FBXO41: variants seen among roughly 807,000 people sequenced by gnomAD.
The protein encoded by FBXO41 is F-box protein 41, also known as F-box only protein 41.
A neutral mutation model predicts 81.6 loss-of-function variants in FBXO41; 33 were observed. That is an observed-to-expected ratio of 0.40 (90% CI 0.31 to 0.54). The LOEUF (loss-of-function observed/expected upper bound fraction) is 0.54, where lower values mean the gene tolerates loss of function less well. Among genes scored for constraint, FBXO41 ranks in the 20% least tolerant of loss-of-function variants. The pLI, the probability that FBXO41 is intolerant of heterozygous loss-of-function variation, is 0.39. For missense variants in FBXO41, 1,107 were observed against 1,236.0 expected (o/e 0.90, Z 1.56); for synonymous variants, 576 against 552.7 (o/e 1.04, Z -0.59).
At position 73,269,322 on chromosome 2, in the gene FBXO41, C is replaced by T; in HGVS notation, c.309G>A (p.Pro103=). The T allele has an allele frequency of 1.3e-6, 2 of 1,524,652 alleles. No homozygotes were observed. The highest frequency in any genetic ancestry group is 8.8e-7 in the Non-Finnish European group (1 of 1,136,624). The allele number at this position is 1,524,652 out of a possible 1,614,324, so 94.4% of individuals were successfully genotyped here. Residue 103 remains proline (P), a synonymous_variant, in exon 2 of 13, where the codon CCG becomes CCA. Transcript: ENST00000520530. This position sits in a 1 kb window ranked among gnomAD's most constrained non-coding sequence, Gnocchi z 7.0. ...GGTGATGGTGGTGGTGCAGCAGGTGCGGCGCCGCGGGCGACGGCCCGGCCG... is the reference window on the plus strand; with the variant it reads ...GGTGATGGTGGTGGTGCAGCAGGTGTGGCGCCGCGGGCGACGGCCCGGCCG... ...EQAAGPSPAA[P]HLLHHHHHHA...
chr2:73,282,214 G>A (rs75823074), intron 1 of FBXO41, among the ~76,000 whole-genome samples: 3 of 152,050 alleles, frequency 2.0e-5, no homozygotes, highest in African/African-American at 4.8e-5. Context: ...GGCTGGTCTC[G>A]AACTCCTGAC....
intron 7 of FBXO41, 29 bp downstream of exon 7, chr2:73,263,909 A>C (rs1688121729): frequency 6.2e-7 from 1 of 1,613,062 alleles, no homozygotes; most frequent in African/African-American, 1.3e-5. Flanking sequence ...GCCCAACAGC[A>C]CCCACCACCC....
chr2:73,276,619 AGG>A lies in FBXO41; in HGVS notation c.-138-6853_-138-6852del, dbSNP rs1200809458. Among the ~76,000 whole-genome samples, 86 of 88,314 alleles carry A rather than the reference AGG, an allele frequency of 9.7e-4. 5 individuals carry two copies. The highest frequency in any genetic ancestry group is 5.4e-3 in the Admixed American group (48 of 8,956). 57.9% of individuals were successfully genotyped at this position (88,314 alleles called of 152,430 possible). A position where few individuals can be genotyped will look rare whatever the true frequency, so the allele number is the denominator to read the frequency against. On this transcript the variant is annotated intron_variant, in intron 1 of 12. Coordinates refer to ENST00000520530, the MANE Select transcript of FBXO41 (RefSeq NM_001371389.2). ...GAGAGAGAGAGGGAGAGAGGGAGAG[AGG>A]GAGAGAATGCATTTATATATAACAC...
In FBXO41 at chr2:73,264,512, G is replaced by A. The variant is rs375036269; in HGVS notation, c.1572C>T (p.Pro524=). ...PLSSCRLSAR[P]EGGSGRGRRA... ...GCCGACCCCGCCCACTGCCTCCCTC[G>A]GGGCGGGCTGCAGAATACCAGGGGT... Residue 524 remains proline, a synonymous_variant, in exon 6 of 13, where the codon CCC becomes CCT. Coordinates refer to ENST00000520530, the MANE Select transcript of FBXO41 (RefSeq NM_001371389.2). 44 of 1,613,392 alleles carry A rather than the reference G, an allele frequency of 2.7e-5. No individual in the cohort carries two copies. In the African/African-American group the frequency reaches 4.7e-4, roughly 17 times the overall value.
At chr2:73,282,530 C>T (rs542981126) in intron 1 of FBXO41, among the ~76,000 whole-genome samples, 100 of 152,236 alleles carry the variant, frequency 6.6e-4, no homozygotes, top group Non-Finnish European at 8.1e-4. Flanking sequence ...TAGGGAGACC[C>T]TGTCTCTACC....
At chr2:73,262,395 AG>A (rs1688050582) in intron 9 of FBXO41, among the ~76,000 whole-genome samples, 1 of 152,180 alleles carries the variant, frequency 6.6e-6, no homozygotes, top group African/African-American at 2.4e-5. Context: ...GGCAAAATGT[AG>A]GGAGCAAAAG....
chr2:73,280,548 T>G (rs775776420), intron 1 of FBXO41, among the ~76,000 whole-genome samples: 2 of 152,206 alleles, frequency 1.3e-5, no homozygotes, highest in African/African-American at 2.4e-5. Context: ...TAGGGTGCCC[T>G]ACAAGATTTT....
chr2:73,283,490 C>T (rs1688904713), intron 1 of FBXO41, among the ~76,000 whole-genome samples: 1 of 152,226 alleles, frequency 6.6e-6, no homozygotes, highest in Non-Finnish European at 1.5e-5. Context: ...ACCATCTGGG[C>T]CCCTCGCTGC....
intron 1 of FBXO41, among the ~76,000 whole-genome samples, chr2:73,276,559 T>TGA (rs1688685941): frequency 5.0e-4 from 38 of 75,736 alleles, no homozygotes; most frequent in African/African-American, 1.6e-3. Flanking sequence ...GCAAATCTAT[T>TGA]CAGAGAGAGA....
At position 73,269,172 on chromosome 2, in the gene FBXO41, C is replaced by A. The variant is rs140730172; in HGVS notation, c.459G>T (p.Pro153=). 4 of 1,526,366 alleles carry A rather than the reference C, an allele frequency of 2.6e-6. No homozygotes were observed. The highest frequency in any genetic ancestry group is 2.6e-5 in the East Asian group (1 of 39,034). The allele number at this position is 1,526,366 out of a possible 1,614,324, so 94.6% of individuals were successfully genotyped here. A position where few individuals can be genotyped will look rare whatever the true frequency, so the allele number is the denominator to read the frequency against. The change falls in exon 2 of 13, where the codon CCG becomes CCT. Residue 153 remains proline, a synonymous_variant. Transcript: ENST00000520530. This position sits in a 1 kb window ranked among gnomAD's most constrained non-coding sequence, Gnocchi z 7.0. ...ACTTGCGGGCGAACAGCTCCCCCAGCGGGATCTCGATCTCGCGCAGCGCAT... is the reference window on the plus strand; with the variant it reads ...ACTTGCGGGCGAACAGCTCCCCCAGAGGGATCTCGATCTCGCGCAGCGCAT... ...ARYALREIEI[P]LGELFARKSV...
intron 5 of FBXO41, among the ~76,000 whole-genome samples, chr2:73,264,777 A>C (rs747340700): frequency 6.6e-6 from 1 of 152,088 alleles, no homozygotes; most frequent in Admixed American, 6.5e-5. Context: ...ACCCCCTACA[A>C]GAGGCAACAC....
In FBXO41 at chr2:73,265,877, T is replaced by C. The variant is rs1367621429; in HGVS notation, c.1205+16A>G. ...TGAGGGTGGGCTGCATGGGGTGGGC[T>C]GGGCCCAAGGCTTACCCTGTGCTCG... is the stretch of plus-strand genomic sequence containing the variant. On this transcript the variant is annotated intron_variant, in intron 4 of 12. Coordinates refer to ENST00000520530, the MANE Select transcript of FBXO41 (RefSeq NM_001371389.2). The C allele has an allele frequency of 1.7e-5, 26 of 1,574,902 alleles. 1 individual carries two copies. The Admixed American group carries it at 3.7e-4, about 22-fold the overall frequency.
intron 1 of FBXO41, among the ~76,000 whole-genome samples, chr2:73,275,992 G>A (rs201517759): frequency 6.6e-6 from 1 of 151,292 alleles, no homozygotes; most frequent in Non-Finnish European, 1.5e-5. Flanking sequence ...CACCATGTTG[G>A]CCAGGCTGGT....
rs1033937004 is a variant in FBXO41 at position 73,257,757 on chromosome 2, C to T, written c.*1225G>A. ...TGCAAAGGCCAGTGAAAAGTGAATC[C>T]TGTGGCTTCTAAGCCAAGTGGCTCC... On this transcript the variant is annotated 3_prime_UTR_variant, in exon 13 of 13. Transcript: ENST00000520530. This position sits in a 1 kb window ranked among gnomAD's most constrained non-coding sequence, Gnocchi z 4.6. The T allele has an allele frequency of 3.9e-5, 6 of 152,202 alleles. No individual in the cohort carries two copies. Among genetic ancestry groups the T allele is most frequent in the African/African-American group, 1.4e-4 (6 of 41,424 alleles). 9.4% of individuals were successfully genotyped at this position (152,202 alleles called of 1,614,324 possible).
Position 73,266,713 on chromosome 2 carries a change from C to T in FBXO41, c.906-31G>A. On this transcript the variant is annotated intron_variant, in intron 2 of 12. Coordinates refer to ENST00000520530, the MANE Select transcript of FBXO41 (RefSeq NM_001371389.2). This position sits in a 1 kb window ranked among gnomAD's most constrained non-coding sequence, Gnocchi z 5.3. ...CCCAGAGCAGTCTCTTACCCCAGAGCCTCAGCCTGCCTGCCCACCCACCCT... is the reference window on the plus strand; with the variant it reads ...CCCAGAGCAGTCTCTTACCCCAGAGTCTCAGCCTGCCTGCCCACCCACCCT... The T allele has an allele frequency of 6.6e-7, 1 of 1,505,626 alleles. No individual in the cohort carries two copies. The highest frequency in any genetic ancestry group is 8.9e-7 in the Non-Finnish European group (1 of 1,127,562). The allele number at this position is 1,505,626 out of a possible 1,614,324, so 93.3% of individuals were successfully genotyped here.
Position 73,269,650 on chromosome 2 carries a change from C to T in FBXO41, c.-20G>A. 1 of 1,167,904 alleles carries T rather than the reference C, an allele frequency of 8.6e-7. No individual in the cohort carries two copies. The highest frequency in any genetic ancestry group is 1.1e-6 in the Non-Finnish European group (1 of 949,472). The allele number at this position is 1,167,904 out of a possible 1,614,324, so 72.3% of individuals were successfully genotyped here. A position where few individuals can be genotyped will look rare whatever the true frequency, so the allele number is the denominator to read the frequency against. On this transcript the variant is annotated 5_prime_UTR_variant, in exon 2 of 13. Coordinates refer to ENST00000520530, the MANE Select transcript of FBXO41 (RefSeq NM_001371389.2). This position sits in a 1 kb window ranked among gnomAD's most constrained non-coding sequence, Gnocchi z 7.0. ...GGCCATGGCCCCGCCGCCCCCGCGG[C>T]ACGCGGGCTCCACCGCGGCCGCCCC...
At position 73,266,541 on chromosome 2, in the gene FBXO41, G is replaced by A; in HGVS notation, c.1047C>T (p.Ser349=). 6.2e-7 allele frequency: 1 copy of A among 1,608,350 alleles called. No homozygotes were observed. Among genetic ancestry groups the A allele is most frequent in the Non-Finnish European group, 8.5e-7 (1 of 1,178,194 alleles). ...GGCTGGCGCTGGGCGTGCTGCCACAGCTGCTGCTGATGACCTGCAGCTGCC... is the reference window on the plus strand; with the variant it reads ...GGCTGGCGCTGGGCGTGCTGCCACAACTGCTGCTGATGACCTGCAGCTGCC... ...AERQLQVISS[S]CGSTPSASLG... The change falls in exon 3 of 13, where the codon AGC becomes AGT. Residue 349 remains serine, a synonymous_variant. Transcript: ENST00000520530. The surrounding 1 kb of genome is among the most constrained non-coding windows in gnomAD (Gnocchi z 5.3).
chr2:73,264,963 A>G (rs1169937662), intron 5 of FBXO41, among the ~76,000 whole-genome samples: 4 of 151,986 alleles, frequency 2.6e-5, no homozygotes, highest in Non-Finnish European at 5.9e-5. Context: ...TTCTGTGAAT[A>G]CGGTGGGGGG....
At position 73,259,299 on chromosome 2, in the gene FBXO41, G is replaced by A. The variant is rs770716961; in HGVS notation, c.2450-3C>T. The A allele has an allele frequency of 6.2e-7, 1 of 1,613,516 alleles. No individual in the cohort carries two copies. Among genetic ancestry groups the A allele is most frequent in the South Asian group, 1.1e-5 (1 of 91,068 alleles). On this transcript the variant is annotated splice_region_variant and splice_polypyrimidine_tract_variant and intron_variant, in intron 11 of 12. Transcript: ENST00000520530. This position sits in a 1 kb window ranked among gnomAD's most constrained non-coding sequence, Gnocchi z 4.2. ...GGACTTGAGGTTCCGGCAGATGCCT[G>A]AGAAAAGGTGAGCAAAGTAGGGGCG... is the stretch of plus-strand genomic sequence containing the variant.
Sources: allele counts gnomAD v4.1 joint callset (sites outside exome capture counted in the v4.1 genomes callset), GRCh38; gene constraint gnomAD v4.1.1; non-coding constraint Gnocchi (gnomAD v3.1); transcripts MANE v1.5; gene names NCBI Gene and HGNC (gene_info 2026-07-23, HGNC 2026-07-21).